The following MALRD1 variants were observed in gnomAD, a reference collection of about 807,000 sequenced individuals.
The protein encoded by MALRD1 is MAM and LDL receptor class A domain containing 1.
MALRD1 carries 247 observed loss-of-function variants against 242.1 expected under a neutral mutation model. That is an observed-to-expected ratio of 1.02 (90% CI 0.92 to 1.13). The LOEUF is 1.13. MALRD1 is among the 50% of genes most tolerant of loss of function. The probability of loss-of-function intolerance (pLI) is 0.00; values close to 1 mark genes in which losing one functional copy is unlikely to be tolerated. For missense variants in MALRD1, 2,989 were observed against 2,533.1 expected (o/e 1.18, Z -3.86); for synonymous variants, 995 against 866.6 (o/e 1.15, Z -2.60).
chr10:19,292,786 G>A (rs920857816), intron 21 of MALRD1, among the ~76,000 whole-genome samples: 14 of 151,540 alleles, frequency 9.2e-5, no homozygotes, highest in Non-Finnish European at 1.8e-4. Flanking sequence ...CCAGCTACTC[G>A]GGAGGCTGAG....
intron 18 of MALRD1, among the ~76,000 whole-genome samples, chr10:19,220,291 G>T (rs866761046): frequency 4.9e-4 from 75 of 152,182 alleles, no homozygotes; most frequent in African/African-American, 1.8e-3. Context: ...TATTCCAAGA[G>T]GGAAAGACCT....
At chr10:19,100,374 ATATAATATC>A (rs1304792003) in intron 4 of MALRD1, among the ~76,000 whole-genome samples, 2 of 151,078 alleles carry the variant, frequency 1.3e-5, no homozygotes, top group Non-Finnish European at 2.9e-5. Context: ...TCAAATAAAC[ATATAATATC>A]TATGGCAAAC....
intron 26 of MALRD1, among the ~76,000 whole-genome samples, chr10:19,372,478 T>TC (rs1234243158): frequency 2.6e-5 from 4 of 152,072 alleles, no homozygotes; most frequent in African/African-American, 9.7e-5. Flanking sequence ...TTTAATTTTT[T>TC]TTTTTTTGCA....
intron 18 of MALRD1, among the ~76,000 whole-genome samples, chr10:19,222,946 T>C (rs1004162165): frequency 6.6e-6 from 1 of 152,180 alleles, no homozygotes; most frequent in Non-Finnish European, 1.5e-5. Context: ...CTTCAAACTT[T>C]TTCCCATTCA....
In MALRD1 at chr10:19,718,009, T is replaced by A. The variant is rs1026745722; in HGVS notation, c.6315-12697T>A. On this transcript the variant is annotated intron_variant, in intron 38 of 39. Coordinates refer to ENST00000454679, the MANE Select transcript of MALRD1 (RefSeq NM_001142308.3). ...TCCAGAGAGATTCTACCTAAATAAATAAATAAATAAATAAATAAATAAAGA... is the reference window on the plus strand; with the variant it reads ...TCCAGAGAGATTCTACCTAAATAAAAAAATAAATAAATAAATAAATAAAGA... 4.4e-3 allele frequency among the ~76,000 whole-genome samples: 556 copies of A among 124,978 alleles called. 6 individuals are homozygous for A. The highest frequency in any genetic ancestry group is 0.013 in the African/African-American group (417 of 32,896). 82.0% of individuals were successfully genotyped at this position (124,978 alleles called of 152,430 possible).
At position 19,175,463 on chromosome 10, in the gene MALRD1, A is replaced by AATAT. The variant is rs376874358; in HGVS notation, c.1951+152_1951+155dup. 74 of 202,800 alleles carry AATAT rather than the reference A, an allele frequency of 3.6e-4. 2 individuals are homozygous for AATAT. Among genetic ancestry groups the AATAT allele is most frequent in the African/African-American group, 1.3e-3 (52 of 39,890 alleles). 12.6% of individuals were successfully genotyped at this position (202,800 alleles called of 1,614,324 possible). On this transcript the variant is annotated intron_variant, in intron 14 of 39. Coordinates refer to ENST00000454679, the MANE Select transcript of MALRD1 (RefSeq NM_001142308.3). ...TATATCACCTGTTCTTGAAACCTAAAATATATATATATATATATATTTTAA... is the reference window on the plus strand; with the variant it reads ...TATATCACCTGTTCTTGAAACCTAAAATATATATATATATATATATATATTTTAA...
intron 36 of MALRD1, among the ~76,000 whole-genome samples, chr10:19,638,548 TG>T (rs931068959): frequency 6.6e-6 from 1 of 151,890 alleles, no homozygotes; most frequent in African/African-American, 2.4e-5. Flanking sequence ...ACTTGGAAAA[TG>T]GTAGTACTGC....
intron 19 of MALRD1, among the ~76,000 whole-genome samples, chr10:19,274,168 C>T (rs1344527871): frequency 6.6e-6 from 1 of 152,126 alleles, no homozygotes; most frequent in African/African-American, 2.4e-5. Context: ...GAGATTTTTG[C>T]CTCCCCTTGT....
intron 24 of MALRD1, among the ~76,000 whole-genome samples, chr10:19,346,994 T>C (rs1844161020): frequency 6.6e-6 from 1 of 152,090 alleles, no homozygotes; most frequent in South Asian, 2.1e-4. Context: ...GACTTAAAAA[T>C]GAAAAGTATC....
chr10:19,278,805 C>G (rs984101366), intron 19 of MALRD1, among the ~76,000 whole-genome samples: 4 of 152,050 alleles, frequency 2.6e-5, no homozygotes, highest in Non-Finnish European at 5.9e-5. Context: ...CAAGCTTTAT[C>G]CCACATAAAT....
At chr10:19,619,956 G>C (rs1396444201) in intron 36 of MALRD1, among the ~76,000 whole-genome samples, 2 of 151,792 alleles carry the variant, frequency 1.3e-5, no homozygotes, top group Non-Finnish European at 2.9e-5. Context: ...GGTAGAGGCT[G>C]CAATGAGTCG....
intron 33 of MALRD1, among the ~76,000 whole-genome samples, chr10:19,586,821 C>A (rs1023250099): frequency 9.9e-5 from 15 of 152,244 alleles, no homozygotes; most frequent in African/African-American, 3.4e-4. Context: ...GCCCCTCCCC[C>A]AGCCTCGCTG....
At chr10:19,312,665 G>A (rs545860043) in intron 21 of MALRD1, among the ~76,000 whole-genome samples, 2 of 151,148 alleles carry the variant, frequency 1.3e-5, no homozygotes, top group Non-Finnish European at 3.0e-5. Context: ...TTGCAAAATG[G>A]TGATCATCAT....
intron 32 of MALRD1, among the ~76,000 whole-genome samples, chr10:19,537,293 G>A (rs1442365927): frequency 2.6e-5 from 4 of 152,112 alleles, no homozygotes; most frequent in Non-Finnish European, 5.9e-5. Context: ...GGAGGCCAAA[G>A]TGAAAATGAA....
At chr10:19,657,061 C>T (rs1255085553) in intron 36 of MALRD1, among the ~76,000 whole-genome samples, 2 of 152,056 alleles carry the variant, frequency 1.3e-5, no homozygotes, top group Non-Finnish European at 2.9e-5. Flanking sequence ...TCCCTCCATC[C>T]ACCAAATTTT....
At chr10:19,410,366 G>A (rs779306433) in intron 28 of MALRD1, among the ~76,000 whole-genome samples, 19 of 151,886 alleles carry the variant, frequency 1.3e-4, no homozygotes, top group Non-Finnish European at 1.6e-4. Context: ...ACCTCAAGGC[G>A]GTCTTCATGA....
At chr10:19,597,978 C>T (rs1256492212) in intron 34 of MALRD1, among the ~76,000 whole-genome samples, 1 of 152,100 alleles carries the variant, frequency 6.6e-6, no homozygotes, top group African/African-American at 2.4e-5. Flanking sequence ...AGAGCAGAGC[C>T]TGTGGTTGGA....
At chr10:19,710,402 C>T (rs1042098522) in intron 38 of MALRD1, 2 of 151,956 alleles carry the variant, frequency 1.3e-5, no homozygotes, top group African/African-American at 4.8e-5. Flanking sequence ...AAATGATTTC[C>T]TTTTGTAACT....
At chr10:19,376,755 CT>C (rs1483716117) in intron 26 of MALRD1, among the ~76,000 whole-genome samples, 1 of 151,404 alleles carries the variant, frequency 6.6e-6, no homozygotes, top group Non-Finnish European at 1.5e-5. Context: ...GTTTCCCCAT[CT>C]TTATTAGAGA....
Sources: allele counts gnomAD v4.1 joint callset (sites outside exome capture counted in the v4.1 genomes callset), GRCh38; gene constraint gnomAD v4.1.1; transcripts MANE v1.5; gene names NCBI Gene and HGNC (gene_info 2026-07-23, HGNC 2026-07-21).